The following FAM228A variants were observed in gnomAD, a reference collection of about 807,000 sequenced individuals.
FAM228A encodes protein FAM228A.
FAM228A carries 13 observed loss-of-function variants against 18.6 expected under a neutral mutation model. That is an observed-to-expected ratio of 0.70 (90% CI 0.45 to 1.11). FAM228A has a LOEUF of 1.11. FAM228A is among the 50% of genes least tolerant of loss of function. The pLI, the probability that FAM228A is intolerant of heterozygous loss-of-function variation, is 0.00. For missense variants in FAM228A, 240 were observed against 242.2 expected (o/e 0.99, Z 0.06); for synonymous variants, 77 against 86.6 (o/e 0.89, Z 0.61).
In FAM228A at chr2:24,175,523, C is replaced by A. The variant is rs372838900; in HGVS notation, c.43C>A (p.Pro15Thr). The A allele has an allele frequency of 1.2e-6, 2 of 1,614,092 alleles. No individual in the cohort carries two copies. The highest frequency in any genetic ancestry group is 2.7e-5 in the African/African-American group (2 of 74,934). The change falls in exon 2 of 6, where the codon CCA becomes ACA. Residue 15 changes from proline to threonine, a missense_variant. Pro to Thr is a conservative substitution (Grantham distance 38). Transcript: ENST00000295150. The stretch of plus-strand genomic sequence containing the variant: ...TGCGAGTTATGATGAACATTTCAGG[C>A]CAGAAAAGTTAAGAGAATGGCCGGA... Reference protein sequence around the residue: ...KTASYDEHFRPEKLREWPEPE... With the variant: ...KTASYDEHFRTEKLREWPEPE...
chr2:24,181,223 A>G (rs1667809467), intron 3 of FAM228A, among the ~76,000 whole-genome samples: 1 of 152,220 alleles, frequency 6.6e-6, no homozygotes, highest in Non-Finnish European at 1.5e-5. Context: ...CTTTGAAGCT[A>G]TGCTTTTATA....
Position 24,183,646 on chromosome 2 carries a change from G to A in FAM228A, c.401+1G>A. ...CCAGGAGTAAAACTTACAAATACAG[G>A]TACAGATGAGCAGAACAAACAAATA... is the stretch of plus-strand genomic sequence containing the variant. On this transcript the variant is annotated splice_donor_variant, in intron 5 of 5. Coordinates refer to ENST00000295150, the MANE Select transcript of FAM228A (RefSeq NM_001040710.3). LOFTEE classifies it high-confidence loss of function. 2 of 1,584,220 alleles carry A rather than the reference G, an allele frequency of 1.3e-6. No homozygotes were observed. Among genetic ancestry groups the A allele is most frequent in the Non-Finnish European group, 1.7e-6 (2 of 1,165,944 alleles).
intron 3 of FAM228A, among the ~76,000 whole-genome samples, chr2:24,180,931 C>T (rs184095173): frequency 1.1e-4 from 17 of 152,136 alleles, no homozygotes; most frequent in African/African-American, 3.6e-4. Flanking sequence ...GGAAATGACA[C>T]GAGGGGGAAT....
At chr2:24,186,249 C>G (rs1054160780) in intron 5 of FAM228A, among the ~76,000 whole-genome samples, 9 of 152,184 alleles carry the variant, frequency 5.9e-5, no homozygotes, top group African/African-American at 2.2e-4. Context: ...ATCCACCTGC[C>G]TCGGCCTCCC....
chr2:24,186,771 T>A (rs1011855175), intron 5 of FAM228A, among the ~76,000 whole-genome samples: 6 of 152,062 alleles, frequency 3.9e-5, no homozygotes, highest in African/African-American at 1.4e-4. Flanking sequence ...CCTGAGTAGC[T>A]GGGATTATAG....
At chr2:24,183,954 T>C (rs553946897) in intron 5 of FAM228A, among the ~76,000 whole-genome samples, 2 of 152,326 alleles carry the variant, frequency 1.3e-5, no homozygotes, top group Non-Finnish European at 2.9e-5. Flanking sequence ...TTGCTCTCCC[T>C]GTGGTGTTAT....
At position 24,183,353 on chromosome 2, in the gene FAM228A, T is replaced by C; in HGVS notation, c.231T>C (p.Thr77=). ...AAGAGGTGGATGAAGAGAGGAGAACTGGTCTTCAGTGTGAGACAGGTGCTT... is the reference window on the plus strand; with the variant it reads ...AAGAGGTGGATGAAGAGAGGAGAACCGGTCTTCAGTGTGAGACAGGTGCTT... ...RQQEVDEERR[T]GLQCETGKRH... The change falls in exon 4 of 6, where the codon ACT becomes ACC. Residue 77 remains threonine, a synonymous_variant. Transcript: ENST00000295150. 5 of 1,613,838 alleles carry C rather than the reference T, an allele frequency of 3.1e-6. No individual in the cohort carries two copies. The highest frequency in any genetic ancestry group is 4.2e-6 in the Non-Finnish European group (5 of 1,179,684).
chr2:24,178,461 C>T (rs1667743654), intron 3 of FAM228A, among the ~76,000 whole-genome samples: 1 of 152,122 alleles, frequency 6.6e-6, no homozygotes, highest in South Asian at 2.1e-4. Context: ...GTAGTCCCAG[C>T]TACTCAGGAG....
At chr2:24,175,206 G>A (rs935295559) in intron 1 of FAM228A, 32 bp downstream of exon 1, 2 of 414,922 alleles carry the variant, frequency 4.8e-6, no homozygotes, top group Non-Finnish European at 8.8e-6. Context: ...GGGCCTGGGG[G>A]TCGCGGAGCC....
chr2:24,187,268 C>T (rs1421572617), intron 5 of FAM228A, among the ~76,000 whole-genome samples: 1 of 152,182 alleles, frequency 6.6e-6, no homozygotes, highest in East Asian at 1.9e-4. Flanking sequence ...TTATTTCCCT[C>T]CTTTTTTCAA....
At position 24,191,073 on chromosome 2, in the gene FAM228A, A is replaced by G; in HGVS notation, c.*442A>G. 1 of 987,642 alleles carries G rather than the reference A, an allele frequency of 1.0e-6. No homozygotes were observed. 61.2% of individuals were successfully genotyped at this position (987,642 alleles called of 1,614,324 possible). Reference sequence around the variant, plus strand: ...TTAGGGCAAGATGAGATTTTTTGATATTTAAAAGGTATTTTTATATGTAGG... The same window carrying G: ...TTAGGGCAAGATGAGATTTTTTGATGTTTAAAAGGTATTTTTATATGTAGG... On this transcript the variant is annotated 3_prime_UTR_variant, in exon 6 of 6. Transcript: ENST00000295150.
chr2:24,177,231 G>C (rs974863306), intron 2 of FAM228A, among the ~76,000 whole-genome samples: 3 of 152,356 alleles, frequency 2.0e-5, no homozygotes, highest in African/African-American at 2.4e-5. Context: ...CTTGAGGTCA[G>C]GAGTTCGAGA....
chr2:24,177,040 T>C (rs571229589), intron 2 of FAM228A, among the ~76,000 whole-genome samples: 64 of 152,358 alleles, frequency 4.2e-4, no homozygotes, highest in African/African-American at 1.5e-3. Flanking sequence ...GAGCTCTCAC[T>C]AATTAGCTCT....
intron 3 of FAM228A, chr2:24,179,149 G>T (rs759745485): frequency 1.7e-6 from 2 of 1,153,508 alleles, no homozygotes. Context: ...ATACTTTTAA[G>T]GAAAGAAGAA....
chr2:24,188,556 C>A, intron 5 of FAM228A: 1 of 985,386 alleles, frequency 1.0e-6, no homozygotes, highest in Non-Finnish European at 1.2e-6. Context: ...GTTAAATACC[C>A]ACCTGTCAGG....
chr2:24,175,419 C>A, intron 1 of FAM228A, 48 bp from the exon 2 acceptor site: 1 of 1,398,812 alleles, frequency 7.1e-7, no homozygotes, highest in South Asian at 1.2e-5. Flanking sequence ...GCCTGGCTCT[C>A]AACGGTAACC....
At chr2:24,175,628 TG>T (rs1336319766) in intron 2 of FAM228A, 55 bp downstream of exon 2, 3 of 1,300,848 alleles carry the variant, frequency 2.3e-6, no homozygotes, top group Non-Finnish European at 3.3e-6. Flanking sequence ...CCCTCGAGTT[TG>T]GGAACTGTTT....
intron 3 of FAM228A, 26 bp downstream of exon 3, chr2:24,177,896 C>T: frequency 6.7e-7 from 1 of 1,497,760 alleles, no homozygotes; most frequent in Non-Finnish European, 9.3e-7. Context: ...ACGCTGCATT[C>T]TACATATGTT....
intron 3 of FAM228A, among the ~76,000 whole-genome samples, chr2:24,182,061 G>A (rs568636875): frequency 1.3e-4 from 20 of 152,292 alleles, no homozygotes; most frequent in African/African-American, 4.6e-4. Flanking sequence ...TGGGACGTGG[G>A]AGGGAACACT....
Sources: gnomAD v4.1 joint callset for allele counts (sites outside exome capture counted in the v4.1 genomes callset) on GRCh38, gnomAD v4.1.1 for gene constraint, MANE v1.5 for transcripts, NCBI Gene and HGNC (gene_info 2026-07-23, HGNC 2026-07-21) for gene names.